PIAS1: variants seen among roughly 807,000 people sequenced by gnomAD.
PIAS1 encodes E3 SUMO-protein ligase PIAS1.
Under a neutral mutation model 71.3 loss-of-function variants are expected in PIAS1, and 6 were observed. The ratio of observed to expected loss-of-function variants is 0.08; its 90% CI spans 0.05 to 0.17. The LOEUF (loss-of-function observed/expected upper bound fraction) is 0.17. Ranked by LOEUF, PIAS1 falls within the 10% of genes least tolerant of loss-of-function variation. The pLI is 1.00. For synonymous variants in PIAS1, 303 were observed against 292.9 expected (o/e 1.03, Z -0.35); for missense variants, 555 against 793.6 (o/e 0.70, Z 3.61).
At chr15:68,131,293 CAG>C (rs2092686214) in intron 2 of PIAS1, among the ~76,000 whole-genome samples, 1 of 152,012 alleles carries the variant, frequency 6.6e-6, no homozygotes, top group Non-Finnish European at 1.5e-5. Flanking sequence ...TTATGGGGCA[CAG>C]AGTGATGTTA....
In PIAS1 at chr15:68,136,683, T is replaced by C. The variant is rs2092736029; in HGVS notation, c.470-5263T>C. Among the ~76,000 whole-genome samples, 5 of 152,294 alleles carry C rather than the reference T, an allele frequency of 3.3e-5. No individual in the cohort carries two copies. The South Asian group carries it at 1.0e-3, about 32-fold the overall frequency. ...AGCCAAAAAATTAATTGTGTATTTA[T>C]TGAATTTATGCAAAGGAACAGCTAA... On this transcript the variant is annotated intron_variant, in intron 2 of 13. Coordinates refer to ENST00000249636, the MANE Select transcript of PIAS1 (RefSeq NM_016166.3).
At chr15:68,117,454 A>G (rs551398853) in intron 2 of PIAS1, among the ~76,000 whole-genome samples, 3 of 152,336 alleles carry the variant, frequency 2.0e-5, no homozygotes, top group East Asian at 1.9e-4. Flanking sequence ...GCGTTAGAAC[A>G]CGAGAATTTA....
At position 68,164,795 on chromosome 15, in the gene PIAS1, A is replaced by G. The variant is rs775005054; in HGVS notation, c.999A>G (p.Leu333=). ...EIATTSLRVS[L]LCPLGKMRLT... is the part of the protein sequence containing the mutation. ...CTACAACCAGCCTAAGGGTTTCTCT[A>G]CTATGTCCAGTAAGTGTTAACTATT... is the stretch of plus-strand genomic sequence containing the variant. The change falls in exon 8 of 14, where the codon CTA becomes CTG. Residue 333 remains leucine, a synonymous_variant. Transcript: ENST00000249636. 8.9e-6 allele frequency: 14 copies of G among 1,579,804 alleles called. No individual in the cohort carries two copies. The Admixed American group carries it at 1.2e-4, about 14-fold the overall frequency.
At chr15:68,087,494 G>A (rs556807778) in intron 2 of PIAS1, among the ~76,000 whole-genome samples, 1 of 152,256 alleles carries the variant, frequency 6.6e-6, no homozygotes, top group Admixed American at 6.5e-5. Context: ...ACTTCTAAAT[G>A]CTGGTTTGTT....
At chr15:68,075,078 CTTTTTTTTTTTTTTTT>C (rs146114696) in intron 1 of PIAS1, among the ~76,000 whole-genome samples, 2 of 81,784 alleles carry the variant, frequency 2.4e-5, no homozygotes, top group South Asian at 4.0e-4. Flanking sequence ...TTCTTTCTTT[CTTTTTTTTTTTTTTTT>C]TTTTTTTTTT....
intron 1 of PIAS1, among the ~76,000 whole-genome samples, chr15:68,060,916 T>C (rs1423725713): frequency 6.6e-6 from 1 of 152,230 alleles, no homozygotes; most frequent in Non-Finnish European, 1.5e-5. Context: ...TCTCTTGACC[T>C]CGTAATCTGC....
chr15:68,117,093 T>C (rs2092571549), intron 2 of PIAS1, among the ~76,000 whole-genome samples: 1 of 152,114 alleles, frequency 6.6e-6, no homozygotes, highest in Non-Finnish European at 1.5e-5. Context: ...TTTGTTGCTG[T>C]TTCGTTTCTT....
At chr15:68,145,692 G>A (rs2092803237) in intron 4 of PIAS1, 124 bp from the exon 5 acceptor site, 7 of 618,508 alleles carry the variant, frequency 1.1e-5, no homozygotes, top group African/African-American at 5.6e-5. Flanking sequence ...GAAAAGTCCA[G>A]TTTTTATAGT....
chr15:68,093,194 G>A (rs1324772335), intron 2 of PIAS1, among the ~76,000 whole-genome samples: 1 of 152,164 alleles, frequency 6.6e-6, no homozygotes, highest in African/African-American at 2.4e-5. Flanking sequence ...GCTTTATCAG[G>A]TCTTTCCCAG....
chr15:68,185,989 C>A lies in PIAS1; in HGVS notation c.1663-1553C>A, dbSNP rs1031400008. Among the ~76,000 whole-genome samples, 3 of 149,502 alleles carry A rather than the reference C, an allele frequency of 2.0e-5. No homozygotes were observed. Among genetic ancestry groups the A allele is most frequent in the Non-Finnish European group, 3.0e-5 (2 of 67,070 alleles). On this transcript the variant is annotated intron_variant, in intron 13 of 13. Coordinates refer to ENST00000249636, the MANE Select transcript of PIAS1 (RefSeq NM_016166.3). This position sits in a 1 kb window ranked among gnomAD's most constrained non-coding sequence, Gnocchi z 4.4. ...TCAAAAACAAAACAAACAAAAAAAACATGGGCCCTAACAATGAAAGGTTTT... is the reference window on the plus strand; with the variant it reads ...TCAAAAACAAAACAAACAAAAAAAAAATGGGCCCTAACAATGAAAGGTTTT...
chr15:68,091,412 TATTTG>T (rs1275421182), intron 2 of PIAS1, among the ~76,000 whole-genome samples: 2 of 152,144 alleles, frequency 1.3e-5, no homozygotes, highest in Non-Finnish European at 2.9e-5. Context: ...TAGGATACAG[TATTTG>T]ATTTGATTCA....
At chr15:68,140,674 A>T (rs1468929847) in intron 2 of PIAS1, among the ~76,000 whole-genome samples, 1 of 152,190 alleles carries the variant, frequency 6.6e-6, no homozygotes, top group Admixed American at 6.6e-5. Flanking sequence ...TACGTTTGGT[A>T]TCGACTTTTT....
At chr15:68,083,034 C>CT (rs1378921539) in intron 1 of PIAS1, among the ~76,000 whole-genome samples, 1 of 152,112 alleles carries the variant, frequency 6.6e-6, no homozygotes, top group Non-Finnish European at 1.5e-5. Flanking sequence ...TCTGAGATCT[C>CT]TATCAATTGA....
intron 9 of PIAS1, 88 bp from the exon 10 acceptor site, chr15:68,175,549 A>G: frequency 1.8e-6 from 1 of 552,016 alleles, no homozygotes; most frequent in Non-Finnish European, 2.8e-6. Flanking sequence ...CCTAGTTAGT[A>G]CTAGATTTTA....
chr15:68,166,618 C>T (rs1016563468), intron 8 of PIAS1, among the ~76,000 whole-genome samples: 1 of 152,072 alleles, frequency 6.6e-6, no homozygotes, highest in Non-Finnish European at 1.5e-5. Context: ...TATTGTTTTT[C>T]TGCAATCTCA....
chr15:68,109,750 G>C (rs958252857), intron 2 of PIAS1, among the ~76,000 whole-genome samples: 1 of 152,180 alleles, frequency 6.6e-6, no homozygotes, highest in Admixed American at 6.5e-5. Flanking sequence ...TTTTGGCCTA[G>C]ACTTGAAAGT....
Position 68,187,488 on chromosome 15 carries a change from T to C in PIAS1, c.1663-54T>C, listed in dbSNP as rs531754084. ...GCTGTGTCCCGCTGAGGAGAAAATA[T>C]ATTAATTTGGAAGTATAATTAACAT... is the stretch of plus-strand genomic sequence containing the variant. On this transcript the variant is annotated intron_variant, in intron 13 of 13. Coordinates refer to ENST00000249636, the MANE Select transcript of PIAS1 (RefSeq NM_016166.3). This position sits in a 1 kb window ranked among gnomAD's most constrained non-coding sequence, Gnocchi z 5.3. 6.0e-5 allele frequency: 90 copies of C among 1,494,892 alleles called. 1 individual carries two copies. The South Asian group carries it at 9.6e-4, about 16-fold the overall frequency. 92.6% of individuals were successfully genotyped at this position (1,494,892 alleles called of 1,614,324 possible).
At chr15:68,061,669 T>C (rs1162246467) in intron 1 of PIAS1, among the ~76,000 whole-genome samples, 1 of 152,236 alleles carries the variant, frequency 6.6e-6, no homozygotes, top group African/African-American at 2.4e-5. Context: ...TATTCACTGC[T>C]TTCAGTTTAC....
At chr15:68,096,846 C>G (rs940103700) in intron 2 of PIAS1, among the ~76,000 whole-genome samples, 1 of 152,084 alleles carries the variant, frequency 6.6e-6, no homozygotes, top group African/African-American at 2.4e-5. Context: ...CTACATACGT[C>G]ATGTCATCTG....
Sources: allele counts gnomAD v4.1 joint callset (sites outside exome capture counted in the v4.1 genomes callset), GRCh38; gene constraint gnomAD v4.1.1; non-coding constraint Gnocchi (gnomAD v3.1); transcripts MANE v1.5; gene names NCBI Gene and HGNC (gene_info 2026-07-23, HGNC 2026-07-21).